KCNC2: variants seen among roughly 807,000 people sequenced by gnomAD.
KCNC2 encodes potassium voltage-gated channel subfamily C member 2, also known as voltage-gated potassium channel KCNC2.
A neutral mutation model predicts 44.5 loss-of-function variants in KCNC2; 21 were observed. The ratio of observed to expected loss-of-function variants is 0.47; its 90% CI spans 0.33 to 0.68. The LOEUF (loss-of-function observed/expected upper bound fraction) is 0.68. KCNC2 is among the 30% of genes least tolerant of loss of function. The probability of loss-of-function intolerance (pLI) is 0.01; values close to 1 mark genes in which losing one functional copy is unlikely to be tolerated. For missense variants in KCNC2, 589 were observed against 826.2 expected (o/e 0.71, Z 3.52); for synonymous variants, 391 against 339.1 (o/e 1.15, Z -1.68).
intron 2 of KCNC2, among the ~76,000 whole-genome samples, chr12:75,175,597 A>C (rs1042597513): frequency 6.6e-6 from 1 of 152,042 alleles, no homozygotes; most frequent in Admixed American, 6.6e-5. Context: ...TAATTGCTAA[A>C]GTGAGACTGC....
intron 1 of KCNC2, 68 bp from the exon 2 acceptor site, chr12:75,208,070 C>A: frequency 6.4e-7 from 1 of 1,573,816 alleles, no homozygotes; most frequent in Non-Finnish European, 8.6e-7. Flanking sequence ...TGACCCCCAC[C>A]ACCAACCCAG....
chr12:75,108,635 A>C (rs895093508), intron 2 of KCNC2, among the ~76,000 whole-genome samples: 9 of 152,216 alleles, frequency 5.9e-5, no homozygotes, highest in Admixed American at 5.2e-4. Context: ...GAATTTCATA[A>C]ACCCAACAAT....
chr12:75,097,689 T>C (rs940406542), intron 2 of KCNC2, among the ~76,000 whole-genome samples: 2 of 152,106 alleles, frequency 1.3e-5, no homozygotes, highest in African/African-American at 4.8e-5. Context: ...AAAAATGTAT[T>C]AGAAGACATA....
At chr12:75,158,828 A>G (rs986506615) in intron 2 of KCNC2, among the ~76,000 whole-genome samples, 1 of 151,864 alleles carries the variant, frequency 6.6e-6, no homozygotes, top group African/African-American at 2.4e-5. Context: ...TAGTCCCTTG[A>G]GACTTTGAAT....
At chr12:75,181,858 A>C in intron 2 of KCNC2, among the ~76,000 whole-genome samples, 1 of 150,022 alleles carries the variant, frequency 6.7e-6, no homozygotes, top group East Asian at 2.0e-4. Flanking sequence ...ACATCTCTTC[A>C]ATCATTTAAT....
At chr12:75,049,836 T>A (rs1282095924) in intron 3 of KCNC2, among the ~76,000 whole-genome samples, 2 of 152,066 alleles carry the variant, frequency 1.3e-5, no homozygotes, top group South Asian at 4.1e-4. Context: ...TCCTCCAGGA[T>A]ATTACTAGGG....
Position 75,209,664 on chromosome 12 carries a change from A to G in KCNC2, c.-477T>C, listed in dbSNP as rs1054099454. 1 of 152,192 alleles carries G rather than the reference A, an allele frequency of 6.6e-6. No homozygotes were observed. The highest frequency in any genetic ancestry group is 2.4e-5 in the African/African-American group (1 of 41,362). 9.4% of individuals were successfully genotyped at this position (152,192 alleles called of 1,614,324 possible). A position where few individuals can be genotyped will look rare whatever the true frequency, so the allele number is the denominator to read the frequency against. ...TCTGCAGATTTTGTTTCTCCCCCAAATCAGCCACTGCTGGAGCTGTCCCTT... is the reference window on the plus strand; with the variant it reads ...TCTGCAGATTTTGTTTCTCCCCCAAGTCAGCCACTGCTGGAGCTGTCCCTT... On this transcript the variant is annotated 5_prime_UTR_variant, in exon 1 of 5. Coordinates refer to ENST00000549446, the MANE Select transcript of KCNC2 (RefSeq NM_139137.4).
intron 2 of KCNC2, among the ~76,000 whole-genome samples, chr12:75,206,910 A>T (rs2031730234): frequency 6.6e-6 from 1 of 152,234 alleles, no homozygotes; most frequent in Non-Finnish European, 1.5e-5. Context: ...AGGGATGACC[A>T]GGAGGCCAGA....
At chr12:75,134,287 T>A (rs1465037800) in intron 2 of KCNC2, among the ~76,000 whole-genome samples, 1 of 151,972 alleles carries the variant, frequency 6.6e-6, no homozygotes, top group Non-Finnish European at 1.5e-5. Context: ...TGAATAGTTG[T>A]TGAATAGAAT....
At chr12:75,119,581 T>G (rs1467704978) in intron 2 of KCNC2, among the ~76,000 whole-genome samples, 1 of 152,212 alleles carries the variant, frequency 6.6e-6, no homozygotes, top group Non-Finnish European at 1.5e-5. Context: ...AGTTCAACTT[T>G]CAAGGTCATG....
rs5799200 is a variant in KCNC2, at chr12:75,075,458, C to CATATATATATATATATATATAT, written c.688-24163_688-24142dup. ...TTCTCAGGAGAGAAATATATATATACATATATATATATATATATATATATA... is the reference window on the plus strand; with the variant it reads ...TTCTCAGGAGAGAAATATATATATACATATATATATATATATATATATATATATATATATATATATATATATA... On this transcript the variant is annotated intron_variant, in intron 2 of 4. Transcript: ENST00000549446. Among the ~76,000 whole-genome samples the CATATATATATATATATATATAT allele has an allele frequency of 1.3e-3, 182 of 145,504 alleles. 1 individual carries two copies. The highest frequency in any genetic ancestry group is 1.8e-3 in the Non-Finnish European group (122 of 66,258).
Position 75,040,938 on chromosome 12 carries a change from AC to A in KCNC2, c.*2166del, listed in dbSNP as rs1208996358. 2.0e-5 allele frequency: 12 copies of A among 605,732 alleles called. No homozygotes were observed. Among genetic ancestry groups the A allele is most frequent in the Middle Eastern group, 3.4e-4 (1 of 2,928 alleles). The allele number at this position is 605,732 out of a possible 1,614,324, so 37.5% of individuals were successfully genotyped here. A position where few individuals can be genotyped will look rare whatever the true frequency, so the allele number is the denominator to read the frequency against. ...AATGGCCAAGACTGTTGACCCATGC[AC>A]ACATGTTGGTATTTACAGTTGTTTC... On this transcript the variant is annotated 3_prime_UTR_variant, in exon 5 of 5. Coordinates refer to ENST00000549446, the MANE Select transcript of KCNC2 (RefSeq NM_139137.4).
chr12:75,172,054 C>A (rs1053398842), intron 2 of KCNC2, among the ~76,000 whole-genome samples: 1 of 151,630 alleles, frequency 6.6e-6, no homozygotes, highest in African/African-American at 2.4e-5. Context: ...CCATACCCAC[C>A]CTCACCCCCC....
chr12:75,109,643 C>T (rs1565862716), intron 2 of KCNC2, among the ~76,000 whole-genome samples: 1 of 152,066 alleles, frequency 6.6e-6, no homozygotes, highest in Non-Finnish European at 1.5e-5. Flanking sequence ...TCACCTGTGT[C>T]CCAGAGGAAC....
rs374427373 is a variant in KCNC2 at position 75,093,939 on chromosome 12, A to G, written c.688-42622T>C. 3.4e-4 allele frequency among the ~76,000 whole-genome samples: 52 copies of G among 151,854 alleles called. No homozygotes were observed. In the Middle Eastern group the frequency reaches 0.01, roughly 30 times the overall value. On this transcript the variant is annotated intron_variant, in intron 2 of 4. Coordinates refer to ENST00000549446, the MANE Select transcript of KCNC2 (RefSeq NM_139137.4). ...TTTAGGTTGGTGAAAAAGTAACGGC[A>G]AAAACAGCAATTACTTTTGCACCAA...
chr12:75,143,587 C>T (rs1565888640), intron 2 of KCNC2, among the ~76,000 whole-genome samples: 1 of 152,176 alleles, frequency 6.6e-6, no homozygotes, highest in Non-Finnish European at 1.5e-5. Flanking sequence ...AGGCTCTGTC[C>T]TTGATCTTGA....
intron 4 of KCNC2, among the ~76,000 whole-genome samples, chr12:75,046,230 G>T (rs1378696355): frequency 6.6e-6 from 1 of 151,648 alleles, no homozygotes; most frequent in Non-Finnish European, 1.5e-5. Flanking sequence ...CTAATAAAAA[G>T]AATTTATATT....
At position 75,042,970 on chromosome 12, in the gene KCNC2, A is replaced by C; in HGVS notation, c.*135T>G. ...TACCCAAGTGGCATTTCTGACTTCA[A>C]ATTGTAGTATCATGCAAGATTTATA... On this transcript the variant is annotated 3_prime_UTR_variant, in exon 5 of 5. Transcript: ENST00000549446. The C allele has an allele frequency of 7.0e-7, 1 of 1,419,048 alleles. No homozygotes were observed. The highest frequency in any genetic ancestry group is 9.2e-7 in the Non-Finnish European group (1 of 1,086,090). The allele number at this position is 1,419,048 out of a possible 1,614,324, so 87.9% of individuals were successfully genotyped here.
At chr12:75,135,026 A>G (rs1377132558) in intron 2 of KCNC2, among the ~76,000 whole-genome samples, 3 of 151,924 alleles carry the variant, frequency 2.0e-5, no homozygotes, top group Admixed American at 6.6e-5. Flanking sequence ...TTTTACTTTA[A>G]ATAAATACAA....
Sources: gnomAD v4.1 joint callset for allele counts (sites outside exome capture counted in the v4.1 genomes callset) on GRCh38, gnomAD v4.1.1 for gene constraint, MANE v1.5 for transcripts, NCBI Gene and HGNC (gene_info 2026-07-23, HGNC 2026-07-21) for gene names.